The following USP15 variants were observed in gnomAD, a reference collection of about 807,000 sequenced individuals.
USP15 encodes ubiquitin carboxyl-terminal hydrolase 15.
A neutral mutation model predicts 127.1 loss-of-function variants in USP15; 18 were observed. That is an observed-to-expected ratio of 0.14 (90% CI 0.10 to 0.21). The LOEUF (loss-of-function observed/expected upper bound fraction) is 0.21, where lower values mean the gene tolerates loss of function less well. Ranked by LOEUF, USP15 falls within the 10% of genes least tolerant of loss-of-function variation. USP15 has a pLI of 1.00. For synonymous variants in USP15, 364 were observed against 393.7 expected (o/e 0.92, Z 0.89); for missense variants, 805 against 1,159.9 (o/e 0.69, Z 4.44).
At chr12:62,294,138 T>G in intron 1 of USP15, 41 bp from the exon 2 acceptor site, 1 of 1,600,862 alleles carries the variant, frequency 6.2e-7, no homozygotes, top group Non-Finnish European at 8.5e-7. Context: ...TGTTCCTGTA[T>G]TTTCAGGTAT....
chr12:62,402,119 A>G (rs1396424497), intron 21 of USP15, among the ~76,000 whole-genome samples: 1 of 151,870 alleles, frequency 6.6e-6, no homozygotes, highest in Non-Finnish European at 1.5e-5. Context: ...TCTTTTTAAC[A>G]ACACTGCCCT....
At position 62,381,645 on chromosome 12, in the gene USP15, C is replaced by T; in HGVS notation, c.1071C>T (p.Val357=). ...TGTGGTCTGGAAAGTTTAGCTACGTCACCCCAAGAGCCTTTAAGGTTAGTG... is the reference window on the plus strand; with the variant it reads ...TGTGGTCTGGAAAGTTTAGCTACGTTACCCCAAGAGCCTTTAAGGTTAGTG... ...KQMWSGKFSY[V]TPRAFKTQVG... The change falls in exon 9 of 22, where the codon GTC becomes GTT. Residue 357 remains valine (V), a synonymous_variant. Coordinates refer to ENST00000280377, the MANE Select transcript of USP15 (RefSeq NM_001252078.2). The T allele has an allele frequency of 6.2e-7, 1 of 1,611,858 alleles. No individual in the cohort carries two copies.
chr12:62,316,658 C>T (rs749503599), intron 4 of USP15, among the ~76,000 whole-genome samples: 93 of 152,006 alleles, frequency 6.1e-4, no homozygotes, highest in Non-Finnish European at 9.9e-4. Flanking sequence ...TTTCTTCTCT[C>T]CCTGCCTCAT....
chr12:62,392,500 G>T, intron 18 of USP15, 113 bp downstream of exon 18: 1 of 733,712 alleles, frequency 1.4e-6, no homozygotes, highest in South Asian at 2.2e-5. Context: ...GTTTTAAATA[G>T]TAAAGGATTC....
rs372228008 is a variant in USP15 at position 62,260,481 on chromosome 12, T to A, written c.67T>A (p.Ser23Thr). ...TGACATCGCGACGCTGCTCAAAACC[T>A]CGCTCCGGAAAGGGGACACCTGGTA... Reference protein sequence around the residue: ...RSDIATLLKTSLRKGDTWYLV... With the variant: ...RSDIATLLKTTLRKGDTWYLV... Residue 23 changes from serine (S) to threonine (T), a missense_variant, in exon 1 of 22, where the codon TCG becomes ACG. Physicochemically the swap from Ser to Thr is moderately conservative, Grantham distance 58. Around this residue, in one of 11 missense-constraint regions of USP15, gnomAD observed 45 missense variants for 37.8 expected, o/e 1.19. Transcript: ENST00000280377. The A allele has an allele frequency of 6.4e-7, 1 of 1,551,350 alleles. No individual in the cohort carries two copies. Among genetic ancestry groups the A allele is most frequent in the Non-Finnish European group, 8.7e-7 (1 of 1,147,248 alleles).
intron 20 of USP15, among the ~76,000 whole-genome samples, chr12:62,398,754 A>T (rs2067580274): frequency 6.6e-6 from 1 of 152,202 alleles, no homozygotes; most frequent in Non-Finnish European, 1.5e-5. Flanking sequence ...ATTTAGATAC[A>T]GAGTTCTTTA....
chr12:62,312,089 A>G (rs2064696143), intron 3 of USP15, among the ~76,000 whole-genome samples: 1 of 151,664 alleles, frequency 6.6e-6, no homozygotes. Flanking sequence ...CTTCACCGTT[A>G]TCTGTTCTCA....
At chr12:62,315,837 C>T (rs1488327834) in intron 4 of USP15, among the ~76,000 whole-genome samples, 1 of 152,118 alleles carries the variant, frequency 6.6e-6, no homozygotes, top group Admixed American at 6.5e-5. Flanking sequence ...CCTTTTAACC[C>T]GTATTTTTTA....
intron 1 of USP15, among the ~76,000 whole-genome samples, chr12:62,266,437 T>C (rs562210463): frequency 6.6e-6 from 1 of 152,320 alleles, no homozygotes; most frequent in Admixed American, 6.5e-5. Context: ...TCCCTAGAGA[T>C]AACTCTTAAA....
intron 4 of USP15, among the ~76,000 whole-genome samples, chr12:62,319,550 T>A (rs1471717429): frequency 6.6e-6 from 1 of 152,188 alleles, no homozygotes; most frequent in Admixed American, 6.5e-5. Context: ...ACCTTTATAG[T>A]CTCATTTCTA....
intron 1 of USP15, chr12:62,274,326 AT>A (rs1483230416): frequency 6.6e-6 from 1 of 152,022 alleles, no homozygotes; most frequent in Non-Finnish European, 1.5e-5. Context: ...ATTTCAAAAA[AT>A]AAACAAGGTT....
At chr12:62,295,769 A>G (rs1044344350) in intron 2 of USP15, among the ~76,000 whole-genome samples, 21 of 152,248 alleles carry the variant, frequency 1.4e-4, no homozygotes, top group African/African-American at 4.6e-4. Flanking sequence ...CTCACTTTAA[A>G]TGCAAGAACA....
chr12:62,292,005 G>C (rs553961369), intron 1 of USP15, among the ~76,000 whole-genome samples: 1 of 152,188 alleles, frequency 6.6e-6, no homozygotes, highest in East Asian at 1.9e-4. Context: ...TGGGGTTTAC[G>C]CTTGACCTTT....
chr12:62,381,862 T>A (rs1285093696), intron 9 of USP15, among the ~76,000 whole-genome samples, 199 bp downstream of exon 9: 1 of 151,316 alleles, frequency 6.6e-6, no homozygotes, highest in Non-Finnish European at 1.5e-5. Flanking sequence ...ATCTGTTTTG[T>A]TTTTGTTTTT....
Position 62,389,715 on chromosome 12 carries a change from A to T in USP15, c.1652+16A>T. 6.2e-7 allele frequency: 1 copy of T among 1,601,608 alleles called. No individual in the cohort carries two copies. The highest frequency in any genetic ancestry group is 8.5e-7 in the Non-Finnish European group (1 of 1,173,782). Reference sequence around the variant, plus strand: ...ATATTTATGTGTAAGTATAAAACTCATTGTGCAAAATATTACTTGAAAAAA... The same window carrying T: ...ATATTTATGTGTAAGTATAAAACTCTTTGTGCAAAATATTACTTGAAAAAA... On this transcript the variant is annotated intron_variant, in intron 13 of 21. Coordinates refer to ENST00000280377, the MANE Select transcript of USP15 (RefSeq NM_001252078.2).
intron 6 of USP15, among the ~76,000 whole-genome samples, chr12:62,337,317 C>T (rs1379352181): frequency 1.3e-5 from 2 of 151,996 alleles, no homozygotes; most frequent in African/African-American, 4.8e-5. Context: ...GGAGACGGGG[C>T]AATTTACAAA....
rs1422133861 is a variant in USP15 at position 62,395,627 on chromosome 12, A to C, written c.2571-668A>C. Among the ~76,000 whole-genome samples the C allele has an allele frequency of 4.7e-5, 7 of 150,486 alleles. No individual in the cohort carries two copies. In the East Asian group the frequency reaches 1.4e-3, roughly 29 times the overall value. On this transcript the variant is annotated intron_variant, in intron 19 of 21. Transcript: ENST00000280377. ...TTTTTTTAACCCGTTAACCATCCCC[A>C]CCTTACATCTCCCCTACCTTCCCAC...
chr12:62,388,987 T>C (rs903881037), intron 11 of USP15, among the ~76,000 whole-genome samples: 7 of 152,118 alleles, frequency 4.6e-5, no homozygotes, highest in Non-Finnish European at 1.0e-4. Context: ...TAGCCAGTCA[T>C]GGTGTCACAC....
chr12:62,401,113 T>C (rs2067673631), intron 20 of USP15, 74 bp from the exon 21 acceptor site: 1 of 926,466 alleles, frequency 1.1e-6, no homozygotes, highest in East Asian at 2.6e-5. Context: ...CTTATATAGA[T>C]GATTATAGAG....
Sources: allele counts gnomAD v4.1 joint callset (sites outside exome capture counted in the v4.1 genomes callset), GRCh38; gene constraint gnomAD v4.1.1; regional missense constraint gnomAD v4.1.1; transcripts MANE v1.5; gene names NCBI Gene and HGNC (gene_info 2026-07-23, HGNC 2026-07-21).